TCEANC: variants seen among roughly 807,000 people sequenced by gnomAD.
TCEANC encodes the protein transcription elongation factor A N-terminal and central domain containing.
In TCEANC, 8 loss-of-function variants were observed where a neutral mutation model predicts 8.7. The ratio of observed to expected loss-of-function variants is 0.92; its 90% CI spans 0.54 to 1.65. The LOEUF (loss-of-function observed/expected upper bound fraction) is 1.65. TCEANC is among the 40% of genes most tolerant of loss of function. TCEANC has a pLI of 0.00. For missense variants in TCEANC, 255 were observed against 251.9 expected, an observed-to-expected ratio of 1.01 and a Z score of -0.08; for synonymous variants, 78 against 92.9, an observed-to-expected ratio of 0.84 and a Z score of 0.92.
chrX:13,664,031 C>T (rs759371162), exon 2 of TCEANC: 1 of 126,057 alleles, frequency 7.9e-6, no homozygotes, highest in South Asian at 3.7e-4. Flanking sequence ...CACCCTAGAA[C>T]AATTCAGTTG....
chrX:13,661,471 T>C (rs1000272725), intron 1 of TCEANC, among the ~76,000 whole-genome samples: 1 of 112,354 alleles, frequency 8.9e-6, no homozygotes, highest in African/African-American at 3.2e-5. Flanking sequence ...ACTGCGTGAA[T>C]TCTCTCTCTA....
chrX:13,663,657 C>A, exon 2 of TCEANC: 1 of 823,950 alleles, frequency 1.2e-6, no homozygotes, highest in Non-Finnish European at 1.6e-6. Context: ...ACACACTACT[C>A]TCTAAAACAG....
chrX:13,663,017 C>T, exon 2 of TCEANC: 1 of 1,211,373 alleles, frequency 8.3e-7, no homozygotes, highest in African/African-American at 1.7e-5. Flanking sequence ...CTGGATCCCA[C>T]AACACCCATG....
rs756722111 is a variant in TCEANC at position 13,663,627 on chromosome X, T to A, written c.*63T>A. On this transcript the variant is annotated 3_prime_UTR_variant, in exon 2 of 2. Transcript: ENST00000380600. ...ATACCTTTTATTTGTACAACCCTTT[T>A]GTGCTTTTAAAAATCTTATACACAC... 2.4e-4 allele frequency: 244 copies of A among 998,123 alleles called. No individual in the cohort carries two copies. In the African/African-American group the frequency reaches 4.4e-3, roughly 18 times the overall value. 82.3% of individuals were successfully genotyped at this position (998,123 alleles called of 1,213,427 possible).
At position 13,660,127 on chromosome X, in the gene TCEANC, A is replaced by C. The variant is rs138032948; in HGVS notation, c.-8-2374A>C. On this transcript the variant is annotated intron_variant, in intron 1 of 1. Coordinates refer to ENST00000380600, the Ensembl canonical transcript of TCEANC. ...GCAATACATGCTCATCACAGAAAAT[A>C]CAGAAGAGGAAAATAACAAATGAAA... Among the ~76,000 whole-genome samples, 27 of 112,464 alleles carry C rather than the reference A, an allele frequency of 2.4e-4. 1 individual carries two copies. In the East Asian group the frequency reaches 7.2e-3, roughly 30 times the overall value.
chrX:13,658,573 G>GATACAC (rs2045942019), intron 1 of TCEANC, among the ~76,000 whole-genome samples: 1 of 110,260 alleles, frequency 9.1e-6, no homozygotes, highest in South Asian at 3.8e-4. Context: ...ATACATTTAA[G>GATACAC]ATACTGAAAA....
chrX:13,658,397 G>T (rs1358258363), intron 1 of TCEANC, among the ~76,000 whole-genome samples: 1 of 112,059 alleles, frequency 8.9e-6, no homozygotes, highest in African/African-American at 3.2e-5. Flanking sequence ...CATATGGAAA[G>T]ACTGAAGAGA....
At chrX:13,653,487 G>A (rs1161474060), upstream of TCEANC, among the ~76,000 whole-genome samples, 2 of 111,660 alleles carry the variant, frequency 1.8e-5, no homozygotes, top group Non-Finnish European at 3.8e-5. Flanking sequence ...GGGCTAGACC[G>A]GGCAGTTGGG....
chrX:13,659,657 C>T (rs1207529424), intron 1 of TCEANC: 1 of 100,507 alleles, frequency 9.9e-6, no homozygotes, highest in South Asian at 4.1e-4. Context: ...GACAGAGTCT[C>T]GCTCTGTCGC....
At chrX:13,662,170 T>G (rs912382242) in intron 1 of TCEANC, among the ~76,000 whole-genome samples, 1 of 111,732 alleles carries the variant, frequency 8.9e-6, no homozygotes, top group African/African-American at 3.3e-5. Context: ...TCCGCCCAAA[T>G]GGATTGACTA....
intron 1 of TCEANC, among the ~76,000 whole-genome samples, chrX:13,659,230 A>G (rs146570725): frequency 0.015 from 1,667 of 112,337 alleles, 33 homozygotes; most frequent in African/African-American, 0.051. Context: ...GAAACATTCA[A>G]TGTGCCTGCA....
intron 1 of TCEANC, among the ~76,000 whole-genome samples, chrX:13,661,617 C>A (rs909537688): frequency 8.9e-6 from 1 of 111,750 alleles, no homozygotes; most frequent in African/African-American, 3.3e-5. Flanking sequence ...TTAGACCAGA[C>A]AGATAAATAT....
chrX:13,656,843 A>G, intron 1 of TCEANC, among the ~76,000 whole-genome samples: 1 of 113,138 alleles, frequency 8.8e-6, no homozygotes, highest in East Asian at 2.8e-4. Flanking sequence ...GAAATAAGCC[A>G]GTCACAAAAA....
At position 13,662,902 on chromosome X, in the gene TCEANC, A is replaced by G. The variant is rs149060367; in HGVS notation, c.394A>G (p.Ser132Gly). ...GTCTTCCCAAGACGTTGCAAAACTC[A>G]GTGAAATGATTGTGCCTGAAAATAG... The change falls in exon 2 of 2, where the codon AGT (serine) becomes GGT (glycine). Residue 132 changes from serine to glycine, a missense_variant. Physicochemically the swap from Ser to Gly is moderately conservative, Grantham distance 56. Transcript: ENST00000380600. 25 of 1,210,217 alleles carry G rather than the reference A, an allele frequency of 2.1e-5. No individual in the cohort carries two copies. In the East Asian group the frequency reaches 7.1e-4, roughly 34 times the overall value.
upstream of TCEANC, among the ~76,000 whole-genome samples, chrX:13,654,863 T>G (rs898545149): frequency 9.0e-5 from 10 of 111,124 alleles, no homozygotes; most frequent in African/African-American, 2.6e-4. Flanking sequence ...GTTTTGTTTT[T>G]TTTAACAAGA....
At chrX:13,656,157 G>A (rs974281869) in intron 1 of TCEANC, among the ~76,000 whole-genome samples, 1 of 112,054 alleles carries the variant, frequency 8.9e-6, no homozygotes, top group African/African-American at 3.2e-5. Flanking sequence ...GTGCCATCCT[G>A]CGTGTGTTTC....
intron 1 of TCEANC, among the ~76,000 whole-genome samples, 101 bp downstream of exon 4, chrX:13,661,223 C>T (rs1037215198): frequency 2.7e-5 from 3 of 111,817 alleles, no homozygotes; most frequent in African/African-American, 9.8e-5. Context: ...TTTTCCATGT[C>T]GTTAAATATT....
chrX:13,662,505 A>G (rs2045973949), exon 2 of TCEANC: 1 of 1,198,113 alleles, frequency 8.3e-7, no homozygotes. Context: ...TTGCAGCTGT[A>G]AAGATGTCTG....
In TCEANC at chrX:13,663,498, G is replaced by C. The variant is rs187141165; in HGVS notation, c.990G>C (p.Met330Ile). ...GGAATTCAAACCCAGATGAACAAATGATGACTTACGTAATTTGTAACGAAT... is the reference window on the plus strand; with the variant it reads ...GGAATTCAAACCCAGATGAACAAATCATGACTTACGTAATTTGTAACGAAT... The change falls in exon 2 of 2, where the codon ATG becomes ATC. Residue 330 changes from methionine (M) to isoleucine (I), a missense_variant. Physicochemically the swap from Met to Ile is conservative, Grantham distance 10. Coordinates refer to ENST00000380600, the Ensembl canonical transcript of TCEANC. The C allele has an allele frequency of 2.6e-6, 3 of 1,172,807 alleles. No individual in the cohort carries two copies. The African/African-American group carries it at 5.3e-5, about 21-fold the overall frequency.
Sources: gnomAD v4.1 joint callset for allele counts (sites outside exome capture counted in the v4.1 genomes callset) on GRCh38, gnomAD v4.1.1 for gene constraint, MANE v1.5 for transcripts, NCBI Gene and HGNC (gene_info 2026-07-23, HGNC 2026-07-21) for gene names.